The following PCDHA7 variants were observed in gnomAD, a reference collection of about 807,000 sequenced individuals.
PCDHA7 encodes protocadherin alpha 7.
In PCDHA7, 37 loss-of-function variants were observed where a neutral mutation model predicts 57.2. That is an observed-to-expected ratio of 0.65 (90% CI 0.50 to 0.85). The LOEUF is 0.85. PCDHA7 is among the 40% of genes least tolerant of loss of function. The pLI, the probability that PCDHA7 is intolerant of heterozygous loss-of-function variation, is 0.00. For synonymous variants in PCDHA7, 553 were observed against 558.8 expected (o/e 0.99, Z 0.15); for missense variants, 1,188 against 1,241.8 (o/e 0.96, Z 0.65).
In PCDHA7 at chr5:141,010,916, A is replaced by G. The variant is rs1554263193; in HGVS notation, c.*979A>G. The G allele has an allele frequency of 6.5e-6, 1 of 153,780 alleles. No individual in the cohort carries two copies. The highest frequency in any genetic ancestry group is 2.4e-5 in the African/African-American group (1 of 41,454). 9.5% of individuals were successfully genotyped at this position (153,780 alleles called of 1,614,324 possible). On this transcript the variant is annotated 3_prime_UTR_variant, in exon 4 of 4. Transcript: ENST00000525929. ...ATACAATTCCCCTAAACTCTCCTCAAAAGAGAATTCAGTCTACAGCCATTT... is the reference window on the plus strand; with the variant it reads ...ATACAATTCCCCTAAACTCTCCTCAGAAGAGAATTCAGTCTACAGCCATTT...
chr5:140,879,467 C>T (rs1331120758), intron 1 of PCDHA7, among the ~76,000 whole-genome samples: 1 of 152,040 alleles, frequency 6.6e-6, no homozygotes, highest in Admixed American at 6.6e-5. Context: ...TAAGAGAATA[C>T]CGTTGTGATT....
At chr5:140,901,599 A>G (rs1196199794) in intron 1 of PCDHA7, among the ~76,000 whole-genome samples, 2 of 152,132 alleles carry the variant, frequency 1.3e-5, no homozygotes, top group South Asian at 2.1e-4. Flanking sequence ...TTTGGTTACT[A>G]TATCTCTATG....
chr5:140,869,302 G>A, intron 1 of PCDHA7: 5 of 1,613,642 alleles, frequency 3.1e-6, no homozygotes, highest in Non-Finnish European at 4.2e-6. Flanking sequence ...GTTCCGGGTG[G>A]CGTCCAAAAC....
chr5:140,882,628 G>A (rs1554174947), intron 1 of PCDHA7: 9 of 1,614,252 alleles, frequency 5.6e-6, no homozygotes, highest in Non-Finnish European at 7.6e-6. Flanking sequence ...TCCATGTGGA[G>A]GTGAAGGTGA....
At chr5:141,006,007 T>C (rs1554260471) in intron 3 of PCDHA7, among the ~76,000 whole-genome samples, 1 of 151,298 alleles carries the variant, frequency 6.6e-6, no homozygotes, top group African/African-American at 2.4e-5. Flanking sequence ...AGAAGGCCTG[T>C]ATGGTTGGAG....
chr5:140,853,498 C>T (rs983966911), intron 1 of PCDHA7: 1 of 976,590 alleles, frequency 1.0e-6, no homozygotes, highest in African/African-American at 1.8e-5. Flanking sequence ...AAGTTAGAAT[C>T]ATGAAACAAT....
chr5:140,866,287 C>T (rs1396371419), intron 1 of PCDHA7: 1 of 152,074 alleles, frequency 6.6e-6, no homozygotes, highest in Non-Finnish European at 1.5e-5. Flanking sequence ...GTGTTTGGGA[C>T]AAGTATAGAT....
chr5:140,893,693 T>G (rs868968555), intron 1 of PCDHA7, among the ~76,000 whole-genome samples: 43 of 152,366 alleles, frequency 2.8e-4, no homozygotes, highest in Middle Eastern at 3.4e-3. Context: ...CATCTCATTC[T>G]ATCCTAGCCT....
intron 1 of PCDHA7, chr5:140,862,550 G>C: frequency 2.2e-6 from 1 of 458,462 alleles, no homozygotes. Flanking sequence ...GGAAGTGGCC[G>C]AACAGTGAAC....
chr5:140,897,361 G>A (rs1455815825), intron 1 of PCDHA7, among the ~76,000 whole-genome samples: 1 of 123,218 alleles, frequency 8.1e-6, no homozygotes, highest in Non-Finnish European at 1.6e-5. Context: ...TGTCCCCAGA[G>A]TGTGATGTTC....
chr5:140,850,903 G>A (rs2150501679), intron 1 of PCDHA7: 2 of 1,560,976 alleles, frequency 1.3e-6, no homozygotes, highest in Admixed American at 1.9e-5. Flanking sequence ...GGTTTTTCTA[G>A]CATTTTATTT....
chr5:140,966,982 G>C, intron 1 of PCDHA7: 1 of 1,603,506 alleles, frequency 6.2e-7, no homozygotes, highest in Non-Finnish European at 8.5e-7. Flanking sequence ...TGCGGCGCTT[G>C]GGGCCGGGTT....
intron 1 of PCDHA7, among the ~76,000 whole-genome samples, chr5:140,918,211 C>T (rs1554198470): frequency 6.6e-6 from 1 of 152,046 alleles, no homozygotes; most frequent in African/African-American, 2.4e-5. Context: ...TGTTGGTGTA[C>T]AGAAATGCTG....
intron 1 of PCDHA7, chr5:140,884,803 C>A: frequency 1.6e-6 from 2 of 1,225,132 alleles, no homozygotes; most frequent in Non-Finnish European, 2.2e-6. Context: ...AATTTAACAA[C>A]TCTGCTGTGG....
rs553859456 is a variant in PCDHA7 at position 140,938,056 on chromosome 5, A to G, written c.2356-40893A>G. Among the ~76,000 whole-genome samples, 1,107 of 152,294 alleles carry G rather than the reference A, an allele frequency of 7.3e-3. 4 individuals carry two copies. Among genetic ancestry groups the G allele is most frequent in the Admixed American group, 0.012 (189 of 15,304 alleles). ...TTTATATTTTGGGTTTTCTACATATACTGTCATGCTATTCCCAAATAATGT... is the reference window on the plus strand; with the variant it reads ...TTTATATTTTGGGTTTTCTACATATGCTGTCATGCTATTCCCAAATAATGT... On this transcript the variant is annotated intron_variant, in intron 1 of 3. Coordinates refer to ENST00000525929, the MANE Select transcript of PCDHA7 (RefSeq NM_018910.3).
At chr5:140,987,952 C>T (rs1176597775) in intron 3 of PCDHA7, among the ~76,000 whole-genome samples, 1 of 152,128 alleles carries the variant, frequency 6.6e-6, no homozygotes, top group African/African-American at 2.4e-5. Flanking sequence ...TCTGACAAAA[C>T]CAACTCCCCA....
At chr5:140,859,250 T>C (rs952505479) in intron 1 of PCDHA7, 7 of 133,126 alleles carry the variant, frequency 5.3e-5, no homozygotes, top group African/African-American at 1.9e-4. Flanking sequence ...TGTTTAATAA[T>C]GAAGAGAATT....
intron 1 of PCDHA7, among the ~76,000 whole-genome samples, chr5:140,919,300 C>A (rs547709389): frequency 6.6e-6 from 1 of 152,248 alleles, no homozygotes; most frequent in African/African-American, 2.4e-5. Flanking sequence ...GCTGTTTGTA[C>A]AATATATGTT....
At chr5:140,874,079 T>C (rs1397045171) in intron 1 of PCDHA7, among the ~76,000 whole-genome samples, 2 of 152,234 alleles carry the variant, frequency 1.3e-5, no homozygotes, top group African/African-American at 4.8e-5. Flanking sequence ...CCTGATGACA[T>C]CAAAATTCAA....
Sources: gnomAD v4.1 joint callset for allele counts (sites outside exome capture counted in the v4.1 genomes callset) on GRCh38, gnomAD v4.1.1 for gene constraint, MANE v1.5 for transcripts, NCBI Gene and HGNC (gene_info 2026-07-23, HGNC 2026-07-21) for gene names.